The following ITFG1 variants were observed in gnomAD, a reference collection of about 807,000 sequenced individuals.
The protein encoded by ITFG1 is T-cell immunomodulatory protein.
ITFG1 carries 34 observed loss-of-function variants against 81.8 expected under a neutral mutation model. That is an observed-to-expected ratio of 0.42 (90% CI 0.32 to 0.55). The LOEUF is 0.55. Ranked by LOEUF, ITFG1 falls within the 20% of genes least tolerant of loss-of-function variation. ITFG1 has a pLI of 0.17. For synonymous variants in ITFG1, 285 were observed against 270.6 expected, an observed-to-expected ratio of 1.05 and a Z score of -0.52; for missense variants, 672 against 755.4, an observed-to-expected ratio of 0.89 and a Z score of 1.29.
chr16:47,166,529 G>A (rs553427539), intron 14 of ITFG1, among the ~76,000 whole-genome samples: 1 of 152,082 alleles, frequency 6.6e-6, no homozygotes, highest in East Asian at 1.9e-4. Flanking sequence ...AAATAAATAA[G>A]CAGAGAGAAA....
At chr16:47,157,800 GATT>G (rs1298734056) in intron 17 of ITFG1, among the ~76,000 whole-genome samples, 6 of 152,108 alleles carry the variant, frequency 3.9e-5, no homozygotes, top group African/African-American at 1.4e-4. Flanking sequence ...AGCAAAAAAT[GATT>G]ATGATGGCAT....
At chr16:47,347,406 A>G (rs141986465) in intron 8 of ITFG1, among the ~76,000 whole-genome samples, 233 of 152,366 alleles carry the variant, frequency 1.5e-3, no homozygotes, top group African/African-American at 5.1e-3. Context: ...TATCCTGTGC[A>G]TGGCTGGGAG....
chr16:47,435,747 C>T (rs745413217), intron 5 of ITFG1, among the ~76,000 whole-genome samples: 15 of 152,110 alleles, frequency 9.9e-5, no homozygotes, highest in Admixed American at 2.0e-4. Context: ...TTTAGTCCTG[C>T]GGTCTTCAAA....
intron 10 of ITFG1, among the ~76,000 whole-genome samples, chr16:47,296,891 G>A (rs976432761): frequency 2.0e-5 from 3 of 152,236 alleles, no homozygotes; most frequent in South Asian, 2.1e-4. Flanking sequence ...TCCATGTTCC[G>A]ATGAGAAGAA....
intron 13 of ITFG1, among the ~76,000 whole-genome samples, chr16:47,237,145 T>C (rs1192864805): frequency 6.6e-6 from 1 of 152,212 alleles, no homozygotes; most frequent in East Asian, 1.9e-4. Context: ...CTAGATTATA[T>C]CCCTGTGTCA....
intron 14 of ITFG1, among the ~76,000 whole-genome samples, chr16:47,187,359 C>T (rs1479199153): frequency 2.0e-5 from 3 of 151,926 alleles, no homozygotes; most frequent in Non-Finnish European, 4.4e-5. Context: ...TGACTTCAAA[C>T]TATACTACAA....
intron 6 of ITFG1, among the ~76,000 whole-genome samples, chr16:47,385,417 A>C (rs1348679089): frequency 6.6e-6 from 1 of 152,214 alleles, no homozygotes; most frequent in African/African-American, 2.4e-5. Flanking sequence ...GAAGTAAATA[A>C]TTTCCCCAGC....
chr16:47,196,819 A>G (rs1421335859), intron 14 of ITFG1: 1 of 152,122 alleles, frequency 6.6e-6, no homozygotes, highest in Non-Finnish European at 1.5e-5. Context: ...AATCCCAGCT[A>G]CTCGGGAAGC....
rs115020742 is a variant in ITFG1 at position 47,416,469 on chromosome 16, G to C, written c.655+12335C>G. ...AAAGCTTATTGTTTGCAAAAGTTTT[G>C]TATGTCTGATATAGTTTAGATGTTT... On this transcript the variant is annotated intron_variant, in intron 6 of 17. Coordinates refer to ENST00000320640, the MANE Select transcript of ITFG1 (RefSeq NM_030790.5). Among the ~76,000 whole-genome samples the C allele has an allele frequency of 4.1e-3, 631 of 152,244 alleles. 5 individuals carry two copies. Among genetic ancestry groups the C allele is most frequent in the African/African-American group, 0.013 (544 of 41,566 alleles).
At chr16:47,372,035 C>T (rs1968262095) in intron 7 of ITFG1, among the ~76,000 whole-genome samples, 2 of 151,704 alleles carry the variant, frequency 1.3e-5, no homozygotes, top group African/African-American at 4.8e-5. Context: ...TACCTCAGCC[C>T]CCCAGTAGCT....
At chr16:47,379,067 G>GAGCT (rs1012993543) in intron 6 of ITFG1, among the ~76,000 whole-genome samples, 33 of 152,240 alleles carry the variant, frequency 2.2e-4, no homozygotes, top group African/African-American at 7.9e-4. Flanking sequence ...GGCTGAAAAG[G>GAGCT]AGCTACCTTG....
rs1194659390 is a variant in ITFG1 at position 47,313,739 on chromosome 16, C to A, written c.887G>T (p.Gly296Val). Residue 296 changes from glycine to valine, a missense_variant, in exon 9 of 18, where the codon GGG becomes GTG. Around this residue, in one of 3 missense-constraint regions of ITFG1, gnomAD observed 560 missense variants for 625.7 expected, o/e 0.90. Transcript: ENST00000320640. ...QKSTIYLVRS[G>V]MKQWVPVLQD... ...AACAACTTGATATACCTGCTTCATCCCAGATCTCACTAAGTAGATGGTACT... is the reference window on the plus strand; with the variant it reads ...AACAACTTGATATACCTGCTTCATCACAGATCTCACTAAGTAGATGGTACT... The A allele has an allele frequency of 6.3e-7, 1 of 1,577,242 alleles. No individual in the cohort carries two copies. Among genetic ancestry groups the A allele is most frequent in the East Asian group, 2.3e-5 (1 of 44,190 alleles).
chr16:47,163,384 C>A (rs1964839441), intron 14 of ITFG1, among the ~76,000 whole-genome samples: 1 of 152,136 alleles, frequency 6.6e-6, no homozygotes, highest in African/African-American at 2.4e-5. Flanking sequence ...CATATAAATG[C>A]AATCATACAA....
At chr16:47,170,012 C>T (rs1964938054) in intron 14 of ITFG1, among the ~76,000 whole-genome samples, 1 of 152,144 alleles carries the variant, frequency 6.6e-6, no homozygotes, top group African/African-American at 2.4e-5. Context: ...GTTGAACAAT[C>T]CTTGCATTCC....
intron 5 of ITFG1, among the ~76,000 whole-genome samples, chr16:47,432,552 C>A (rs1190196595): frequency 2.6e-5 from 4 of 152,148 alleles, no homozygotes; most frequent in Non-Finnish European, 5.9e-5. Context: ...CACACTTTAA[C>A]CTAAATAAGA....
intron 10 of ITFG1, among the ~76,000 whole-genome samples, chr16:47,280,834 T>G (rs1203977237): frequency 6.6e-6 from 1 of 152,070 alleles, no homozygotes; most frequent in Non-Finnish European, 1.5e-5. Context: ...GCCTACGTAA[T>G]GAAGCCTCCC....
chr16:47,364,212 G>GT (rs924971610), intron 8 of ITFG1, among the ~76,000 whole-genome samples: 3 of 152,034 alleles, frequency 2.0e-5, no homozygotes, highest in African/African-American at 7.2e-5. Context: ...TATTAAAAAA[G>GT]TTTACTGATG....
intron 14 of ITFG1, among the ~76,000 whole-genome samples, chr16:47,187,659 C>T (rs1006126226): frequency 4.0e-5 from 6 of 150,738 alleles, no homozygotes; most frequent in Non-Finnish European, 8.9e-5. Context: ...CATAAAAACC[C>T]TAGAAGAAAA....
chr16:47,307,856 T>A (rs894152398), intron 10 of ITFG1, among the ~76,000 whole-genome samples: 3 of 152,194 alleles, frequency 2.0e-5, no homozygotes, highest in Non-Finnish European at 2.9e-5. Flanking sequence ...TCCATGAGTA[T>A]GCACTGTTTA....
Sources: gnomAD v4.1 joint callset for allele counts (sites outside exome capture counted in the v4.1 genomes callset) on GRCh38, gnomAD v4.1.1 for gene constraint, gnomAD v4.1.1 regional missense constraint, MANE v1.5 for transcripts, NCBI Gene and HGNC (gene_info 2026-07-23, HGNC 2026-07-21) for gene names.